CDH4: variants seen among roughly 807,000 people sequenced by gnomAD.
The protein encoded by CDH4 is cadherin 4.
CDH4 carries 33 observed loss-of-function variants against 86.0 expected under a neutral mutation model. The ratio of observed to expected loss-of-function variants is 0.38; its 90% CI spans 0.29 to 0.51. CDH4 has a LOEUF of 0.51. Ranked by LOEUF, CDH4 falls within the 20% of genes least tolerant of loss-of-function variation. The probability of loss-of-function intolerance (pLI) is 0.86; values close to 1 mark genes in which losing one functional copy is unlikely to be tolerated. For synonymous variants in CDH4, 555 were observed against 549.4 expected (o/e 1.01, Z -0.14); for missense variants, 1,114 against 1,307.4 (o/e 0.85, Z 2.28).
In CDH4 at chr20:61,681,641, C is replaced by G. The variant is rs1320640389; in HGVS notation, c.170-61922C>G. On this transcript the variant is annotated intron_variant, in intron 2 of 15. Transcript: ENST00000614565. The surrounding 1 kb of genome is among the most constrained non-coding windows in gnomAD (Gnocchi z 4.5). The stretch of plus-strand genomic sequence containing the variant: ...ATCCCCCTGCAGGAAGCCCGGAATC[C>G]CTTCCACAGGCACAGAGCTGAGGGT... 6.6e-6 allele frequency among the ~76,000 whole-genome samples: 1 copy of G among 152,164 alleles called. No homozygotes were observed. Among genetic ancestry groups the G allele is most frequent in the Non-Finnish European group, 1.5e-5 (1 of 68,022 alleles).
intron 2 of CDH4, among the ~76,000 whole-genome samples, chr20:61,710,534 A>T (rs1393048544): frequency 6.6e-6 from 1 of 152,174 alleles, no homozygotes; most frequent in Non-Finnish European, 1.5e-5. Context: ...TTGATAATTA[A>T]AGCAATGTGC....
intron 2 of CDH4, among the ~76,000 whole-genome samples, chr20:61,483,522 A>G (rs2085579198): frequency 2.0e-5 from 3 of 152,142 alleles, no homozygotes; most frequent in Non-Finnish European, 4.4e-5. Flanking sequence ...GGGCTTGGCC[A>G]TGGACTTTCT....
In CDH4 at chr20:61,811,686, T is replaced by TC. The variant is rs1200662524; in HGVS notation, c.577-32982_577-32981insC. 7.9e-6 allele frequency among the ~76,000 whole-genome samples: 1 copy of TC among 127,204 alleles called. No homozygotes were observed. The highest frequency in any genetic ancestry group is 1.7e-5 in the Non-Finnish European group (1 of 59,082). 83.5% of individuals were successfully genotyped at this position (127,204 alleles called of 152,430 possible). On this transcript the variant is annotated intron_variant, in intron 4 of 15. Coordinates refer to ENST00000614565, the MANE Select transcript of CDH4 (RefSeq NM_001794.5). The surrounding 1 kb of genome is among the most constrained non-coding windows in gnomAD (Gnocchi z 4.4). ...CGCCCCTGGCTGCCTACTGAGCTTT[T>TC]TTTTTTTTTTTTTTGAGTTGGCACC...
At chr20:61,298,493 C>A (rs1208959110) in intron 2 of CDH4, among the ~76,000 whole-genome samples, 1 of 152,046 alleles carries the variant, frequency 6.6e-6, no homozygotes, top group Non-Finnish European at 1.5e-5. Flanking sequence ...TCTGCTGGGC[C>A]ACGTCCCGTC....
At chr20:61,524,458 A>G (rs1017447602) in intron 2 of CDH4, among the ~76,000 whole-genome samples, 1 of 151,556 alleles carries the variant, frequency 6.6e-6, no homozygotes, top group African/African-American at 2.4e-5. Flanking sequence ...GACTCTCTGC[A>G]CTAATTTTGC....
At chr20:61,534,350 G>A (rs1373759047) in intron 2 of CDH4, among the ~76,000 whole-genome samples, 3 of 152,204 alleles carry the variant, frequency 2.0e-5, no homozygotes, top group African/African-American at 7.2e-5. Context: ...GCAGGAGGAT[G>A]GTTTGCTAGA....
chr20:61,767,423 C>A (rs1451426918), intron 3 of CDH4, among the ~76,000 whole-genome samples: 1 of 152,186 alleles, frequency 6.6e-6, no homozygotes, highest in Admixed American at 6.5e-5. Flanking sequence ...CGGGGTGGCA[C>A]CAGAGCAGGT....
At chr20:61,356,299 G>C (rs28568968) in intron 2 of CDH4, among the ~76,000 whole-genome samples, 1 of 152,054 alleles carries the variant, frequency 6.6e-6, no homozygotes, top group Non-Finnish European at 1.5e-5. Context: ...CTGTGTCATC[G>C]CAGCACCACA....
chr20:61,569,240 T>G (rs1335132813), intron 2 of CDH4, among the ~76,000 whole-genome samples: 1 of 152,230 alleles, frequency 6.6e-6, no homozygotes, highest in African/African-American at 2.4e-5. Flanking sequence ...GCGTGGAGTT[T>G]CCAGAACACT....
At chr20:61,591,941 GCT>G (rs1661464013) in intron 2 of CDH4, among the ~76,000 whole-genome samples, 2 of 152,164 alleles carry the variant, frequency 1.3e-5, no homozygotes, top group Non-Finnish European at 2.9e-5. Context: ...TTGCTTGAAA[GCT>G]CTGTTTGTCC....
chr20:61,566,935 A>G (rs1292353194), intron 2 of CDH4, among the ~76,000 whole-genome samples: 1 of 152,170 alleles, frequency 6.6e-6, no homozygotes, highest in Non-Finnish European at 1.5e-5. Context: ...TGTCTTCAGC[A>G]CACGGCTGTT....
rs1472544773 is a variant in CDH4 at position 61,808,565 on chromosome 20, A to C, written c.576+35383A>C. Among the ~76,000 whole-genome samples the C allele has an allele frequency of 2.0e-5, 3 of 152,164 alleles. No homozygotes were observed. In the East Asian group the frequency reaches 5.8e-4, roughly 29 times the overall value. ...CTCCCAGATCTTGCTACGTTTCGGA[A>C]CATTAAAGGGAATTTATGCAAAATT... On this transcript the variant is annotated intron_variant, in intron 4 of 15. Coordinates refer to ENST00000614565, the MANE Select transcript of CDH4 (RefSeq NM_001794.5).
intron 2 of CDH4, among the ~76,000 whole-genome samples, chr20:61,408,384 G>A (rs1432672175): frequency 6.6e-6 from 1 of 152,142 alleles, no homozygotes; most frequent in Non-Finnish European, 1.5e-5. Context: ...TGTTCTGGGG[G>A]CTGGCCATGC....
intron 2 of CDH4, among the ~76,000 whole-genome samples, chr20:61,321,356 T>C (rs2123242395): frequency 6.6e-6 from 1 of 152,240 alleles, no homozygotes; most frequent in South Asian, 2.1e-4. Flanking sequence ...GCGGGGTTAC[T>C]CTTAACAAAA....
Position 61,916,140 on chromosome 20 carries a change from C to T in CDH4, c.1374+5533C>T, listed in dbSNP as rs546710337. ...TTGGTTTTGCATTCTTTGGTAGAGA[C>T]GTCGTCTTTTCAGGCATTCTCTTTC... On this transcript the variant is annotated intron_variant, in intron 9 of 15. Transcript: ENST00000614565. Among the ~76,000 whole-genome samples, 25 of 146,564 alleles carry T rather than the reference C, an allele frequency of 1.7e-4. No individual in the cohort carries two copies. In the South Asian group the frequency reaches 4.9e-3, roughly 29 times the overall value.
chr20:61,477,530 G>A (rs1366306487), intron 2 of CDH4, among the ~76,000 whole-genome samples: 1 of 152,200 alleles, frequency 6.6e-6, no homozygotes, highest in Non-Finnish European at 1.5e-5. Flanking sequence ...AAGAGATGAG[G>A]GCTGTGCTTT....
intron 2 of CDH4, among the ~76,000 whole-genome samples, chr20:61,255,723 GCC>G (rs1394447231): frequency 6.6e-6 from 1 of 152,216 alleles, no homozygotes; most frequent in African/African-American, 2.4e-5. Context: ...ACTGTTGACT[GCC>G]CTACCGGTTT....
At chr20:61,283,498 TTGCACGC>T (rs2084275149) in intron 2 of CDH4, among the ~76,000 whole-genome samples, 1 of 99,898 alleles carries the variant, frequency 1.0e-5, no homozygotes, top group African/African-American at 3.6e-5. Context: ...GTAGGTGCAT[TTGCACGC>T]GTGTGCTGTG....
intron 4 of CDH4, among the ~76,000 whole-genome samples, chr20:61,774,210 GC>G (rs2088812422): frequency 6.6e-6 from 1 of 152,248 alleles, no homozygotes; most frequent in Non-Finnish European, 1.5e-5. Context: ...CAGGGGCTCA[GC>G]TTTCCTTGGC....
Sources: allele counts gnomAD v4.1 joint callset (sites outside exome capture counted in the v4.1 genomes callset), GRCh38; gene constraint gnomAD v4.1.1; non-coding constraint Gnocchi (gnomAD v3.1); transcripts MANE v1.5; gene names NCBI Gene and HGNC (gene_info 2026-07-23, HGNC 2026-07-21).